ANKS1B: variants seen among roughly 807,000 people sequenced by gnomAD.
ANKS1B encodes the protein ankyrin repeat and sterile alpha motif domain-containing protein 1B.
Under a neutral mutation model 148.3 loss-of-function variants are expected in ANKS1B, and 36 were observed. The observed-to-expected ratio is 0.24, with a 90% CI of 0.19 to 0.32. The LOEUF (loss-of-function observed/expected upper bound fraction) is 0.32, where lower values mean the gene tolerates loss of function less well. ANKS1B is among the 10% of genes least tolerant of loss of function. The probability of loss-of-function intolerance (pLI) is 1.00; values close to 1 mark genes in which losing one functional copy is unlikely to be tolerated. For synonymous variants in ANKS1B, 542 were observed against 560.8 expected (o/e 0.97, Z 0.47); for missense variants, 1,157 against 1,542.6 (o/e 0.75, Z 4.19).
chr12:99,191,136 C>G (rs1273310141), intron 14 of ANKS1B, among the ~76,000 whole-genome samples: 1 of 152,052 alleles, frequency 6.6e-6, no homozygotes, highest in Admixed American at 6.6e-5. Context: ...CAAATCAAAA[C>G]CACAGTGAGA....
At chr12:99,321,246 G>T (rs1203046690) in intron 12 of ANKS1B, among the ~76,000 whole-genome samples, 1 of 152,192 alleles carries the variant, frequency 6.6e-6, no homozygotes. Flanking sequence ...AGACAGGGAG[G>T]TTTAACTCTG....
At chr12:98,765,246 G>C (rs2098464943) in intron 25 of ANKS1B, among the ~76,000 whole-genome samples, 1 of 152,108 alleles carries the variant, frequency 6.6e-6, no homozygotes, top group African/African-American at 2.4e-5. Context: ...TTACAGATTA[G>C]GAAACTGAAG....
intron 12 of ANKS1B, among the ~76,000 whole-genome samples, chr12:99,338,035 G>A (rs181359017): frequency 2.6e-5 from 4 of 152,222 alleles, no homozygotes; most frequent in African/African-American, 9.6e-5. Context: ...CCTGACTACT[G>A]ATGATGTTCA....
intron 17 of ANKS1B, chr12:98,976,288 C>G (rs2099895759): frequency 6.6e-6 from 1 of 152,120 alleles, no homozygotes; most frequent in Admixed American, 6.6e-5. Flanking sequence ...GTATTTACCC[C>G]AGAAATATTT....
At chr12:99,598,583 T>C (rs1324112783) in intron 9 of ANKS1B, among the ~76,000 whole-genome samples, 5 of 151,966 alleles carry the variant, frequency 3.3e-5, no homozygotes, top group African/African-American at 1.2e-4. Flanking sequence ...ACCACTACTA[T>C]AAACATACAG....
intron 2 of ANKS1B, among the ~76,000 whole-genome samples, chr12:99,819,957 A>G (rs1467027418): frequency 1.3e-5 from 2 of 151,806 alleles, no homozygotes; most frequent in African/African-American, 4.8e-5. Context: ...AGGCCAGCCA[A>G]TTGCTTTTCA....
chr12:98,832,244 C>T (rs1594964901), intron 17 of ANKS1B, 108 bp from the exon 18 acceptor site: 1 of 830,810 alleles, frequency 1.2e-6, no homozygotes. Context: ...TACTCCTGCA[C>T]CATGAGATGT....
chr12:98,844,503 C>T (rs532857668), intron 17 of ANKS1B, among the ~76,000 whole-genome samples: 3 of 152,286 alleles, frequency 2.0e-5, no homozygotes, highest in South Asian at 4.1e-4. Flanking sequence ...CATTGAAAAT[C>T]AGTTTTTGCC....
intron 11 of ANKS1B, among the ~76,000 whole-genome samples, chr12:99,419,711 C>CAGGCTAG (rs2095026816): frequency 6.6e-6 from 1 of 152,112 alleles, no homozygotes; most frequent in Non-Finnish European, 1.5e-5. Flanking sequence ...CTCTATCCCC[C>CAGGCTAG]AGGCTAGAGT....
At chr12:99,796,436 G>A (rs2066265301) in intron 4 of ANKS1B, among the ~76,000 whole-genome samples, 1 of 151,854 alleles carries the variant, frequency 6.6e-6, no homozygotes. Flanking sequence ...TTATATTCTA[G>A]ACAATGAAAA....
intron 9 of ANKS1B, among the ~76,000 whole-genome samples, chr12:99,589,386 C>T (rs2097677407): frequency 6.6e-6 from 1 of 152,098 alleles, no homozygotes; most frequent in African/African-American, 2.4e-5. Context: ...TCTGAAGTTC[C>T]CCTTCCCCAG....
rs886646355 is a variant in ANKS1B, at chr12:99,344,722, A to G, written c.1756+54909T>C. ...ATAACAGAATTATCTTTTGCAAATT[A>G]TATTTGCATATGATCAGTCACATTT... On this transcript the variant is annotated intron_variant, in intron 12 of 26. Coordinates refer to ENST00000683438, the MANE Select transcript of ANKS1B (RefSeq NM_001352186.2). Among the ~76,000 whole-genome samples, 37 of 152,176 alleles carry G rather than the reference A, an allele frequency of 2.4e-4. 1 individual carries two copies. Among genetic ancestry groups the G allele is most frequent in the Admixed American group, 1.9e-3 (29 of 15,238 alleles).
intron 14 of ANKS1B, among the ~76,000 whole-genome samples, chr12:99,167,665 T>A (rs1435957512): frequency 1.3e-5 from 2 of 152,058 alleles, no homozygotes; most frequent in East Asian, 3.9e-4. Flanking sequence ...CAAATATACA[T>A]CCACTAGATG....
intron 8 of ANKS1B, among the ~76,000 whole-genome samples, chr12:99,705,263 T>C (rs1339884511): frequency 6.6e-6 from 1 of 152,146 alleles, no homozygotes; most frequent in Non-Finnish European, 1.5e-5. Context: ...AAAACAGTTC[T>C]CTAAACTAAT....
intron 14 of ANKS1B, among the ~76,000 whole-genome samples, chr12:99,193,793 CTTT>C (rs34024548): frequency 7.4e-3 from 492 of 66,794 alleles, no homozygotes; most frequent in African/African-American, 0.023. Context: ...ATTTCTAGTT[CTTT>C]TTTTTTTTTT....
At chr12:99,221,265 G>A (rs922829317) in intron 14 of ANKS1B, among the ~76,000 whole-genome samples, 14 of 152,094 alleles carry the variant, frequency 9.2e-5, no homozygotes, top group African/African-American at 1.2e-4. Flanking sequence ...GCGTGAACCC[G>A]GGAGGTGGAG....
intron 9 of ANKS1B, among the ~76,000 whole-genome samples, chr12:99,595,547 A>C (rs1025919638): frequency 6.6e-6 from 1 of 151,950 alleles, no homozygotes; most frequent in African/African-American, 2.4e-5. Context: ...AGTATGTATC[A>C]ACTCATTTTA....
At chr12:99,667,489 T>C (rs2098515192) in intron 8 of ANKS1B, among the ~76,000 whole-genome samples, 2 of 152,224 alleles carry the variant, frequency 1.3e-5, no homozygotes, top group African/African-American at 4.8e-5. Flanking sequence ...TGCTTTCCTA[T>C]AGATATTTTA....
intron 14 of ANKS1B, among the ~76,000 whole-genome samples, chr12:99,234,900 C>T (rs1016666531): frequency 6.6e-6 from 1 of 152,072 alleles, no homozygotes; most frequent in Admixed American, 6.6e-5. Flanking sequence ...TGCAACTCAG[C>T]AAAACTGTAA....
Sources: allele counts gnomAD v4.1 joint callset (sites outside exome capture counted in the v4.1 genomes callset), GRCh38; gene constraint gnomAD v4.1.1; transcripts MANE v1.5; gene names NCBI Gene and HGNC (gene_info 2026-07-23, HGNC 2026-07-21).